Variants in MRM3 observed in about 807,000 individuals in gnomAD.
MRM3 encodes the protein mitochondrial rRNA methyltransferase 3.
MRM3 carries 26 observed loss-of-function variants against 29.4 expected under a neutral mutation model. The ratio of observed to expected loss-of-function variants is 0.89; its 90% confidence interval spans 0.65 to 1.23. MRM3 has a LOEUF of 1.23. Ranked by LOEUF, MRM3 falls within the 50% of genes most tolerant of loss-of-function variation. MRM3 has a pLI of 0.00. For missense variants in MRM3, 578 were observed against 540.2 expected (o/e 1.07, Z -0.69); for synonymous variants, 225 against 219.0 (o/e 1.03, Z -0.24).
At position 783,293 on chromosome 17, in the gene MRM3, T is replaced by C. The variant is rs1290742059; in HGVS notation, c.525T>C (p.Asp175=). 6.2e-7 allele frequency: 1 copy of C among 1,613,980 alleles called. No individual in the cohort carries two copies. Among genetic ancestry groups the C allele is most frequent in the East Asian group, 2.2e-5 (1 of 44,884 alleles). The change falls in exon 2 of 4, where the codon GAT becomes GAC. Residue 175 remains aspartate (D), a synonymous_variant. Transcript: ENST00000304478. The part of the protein sequence containing the change: ...LIKVKFEDIK[D]WSDLVTPQGI... ...AGGTGAAATTTGAGGATATCAAGGA[T>C]TGGTCCGACCTCGTAACGCCACAAG...
intron 1 of MRM3, 74 bp downstream of exon 1, chr17:782,766 C>G (rs191360526): frequency 2.1e-6 from 3 of 1,433,840 alleles, no homozygotes; most frequent in Non-Finnish European, 1.9e-6. Context: ...AACCTCCTTC[C>G]GATGGAGGAC....
In MRM3 at chr17:791,882, C is replaced by A. The variant is rs1180000831; in HGVS notation, c.1076C>A (p.Thr359Asn). 6.2e-7 allele frequency: 1 copy of A among 1,613,764 alleles called. No homozygotes were observed. The highest frequency in any genetic ancestry group is 1.7e-5 in the Admixed American group (1 of 60,008). ...APAAVVIGGETYGVSLESLQL... is the reference protein window; with the variant it reads ...APAAVVIGGENYGVSLESLQL... ...GCAGCTGTGGTGATTGGCGGGGAGACCTACGGCGTGAGCCTGGAGTCCCTG... is the reference window on the plus strand; with the variant it reads ...GCAGCTGTGGTGATTGGCGGGGAGAACTACGGCGTGAGCCTGGAGTCCCTG... Residue 359 changes from threonine (T) to asparagine (N), a missense_variant, in exon 4 of 4, where the codon ACC (threonine) becomes AAC (asparagine). By Grantham distance (65) the Thr-to-Asn change is moderately conservative. Coordinates refer to ENST00000304478, the MANE Select transcript of MRM3 (RefSeq NM_018146.4).
rs1313509753 is a variant in MRM3 at position 783,083 on chromosome 17, C to T, written c.315C>T (p.Ser105=). 1.2e-6 allele frequency: 2 copies of T among 1,605,800 alleles called. No individual in the cohort carries two copies. Among genetic ancestry groups the T allele is most frequent in the Admixed American group, 1.7e-5 (1 of 58,722 alleles). Residue 105 remains serine, a splice_region_variant and synonymous_variant, in exon 2 of 4, where the codon AGC becomes AGT. Transcript: ENST00000304478. The stretch of plus-strand genomic sequence containing the variant: ...TTTTTTTTTTTATTTCCATCTACAG[C>T]AGTGTAATGACAATAGTAAAGTCCA... ...DKAYPGDRRL[S]SVMTIVKSRP...
Position 791,519 on chromosome 17 carries a change from CTTTTT to C in MRM3, c.728-14_728-10del. 6.2e-7 allele frequency: 1 copy of C among 1,601,310 alleles called. No homozygotes were observed. Among genetic ancestry groups the C allele is most frequent in the Non-Finnish European group, 8.5e-7 (1 of 1,173,792 alleles). ...AGATTTGTAACATCTTGATTGTTTC[CTTTTT>C]ATTTTCCAGGCTGTGTGGATGCCTG... On this transcript the variant is annotated splice_polypyrimidine_tract_variant and intron_variant, in intron 3 of 3. Coordinates refer to ENST00000304478, the MANE Select transcript of MRM3 (RefSeq NM_018146.4).
chr17:787,834 C>A lies in MRM3; in HGVS notation c.560-131C>A. The A allele has an allele frequency of 1.0e-6, 1 of 953,330 alleles. No homozygotes were observed. The highest frequency in any genetic ancestry group is 1.6e-6 in the Non-Finnish European group (1 of 613,756). The allele number at this position is 953,330 out of a possible 1,614,324, so 59.1% of individuals were successfully genotyped here. ...GAAGTGTTGGGATTACAGGCATGAG[C>A]CAGTACACCTGGCCTGTATTCCTGT... On this transcript the variant is annotated intron_variant, in intron 2 of 3. Transcript: ENST00000304478. This position sits in a 1 kb window ranked among gnomAD's most constrained non-coding sequence, Gnocchi z 4.1.
chr17:785,701 G>A (rs1053147464), intron 2 of MRM3, among the ~76,000 whole-genome samples: 5 of 151,830 alleles, frequency 3.3e-5, no homozygotes, highest in African/African-American at 9.7e-5. Flanking sequence ...CTGAGCCAGC[G>A]TATTTGAAAA....
chr17:783,282 G>C lies in MRM3; in HGVS notation c.514G>C (p.Asp172His). ...CAGCCTCATTAAGGTGAAATTTGAG[G>C]ATATCAAGGATTGGTCCGACCTCGT... ...GVSLIKVKFEDIKDWSDLVTP... is the reference protein window; with the variant it reads ...GVSLIKVKFEHIKDWSDLVTP... The change falls in exon 2 of 4, where the codon GAT (aspartate) becomes CAT (histidine). Residue 172 changes from aspartate (D) to histidine (H), a missense_variant. Transcript: ENST00000304478. 6.2e-7 allele frequency: 1 copy of C among 1,613,756 alleles called. No individual in the cohort carries two copies. The highest frequency in any genetic ancestry group is 1.1e-5 in the South Asian group (1 of 91,072).
chr17:788,062 C>CCCTGGGAA lies in MRM3; in HGVS notation c.664_671dup (p.Ile226TrpfsTer5). 1 of 1,614,170 alleles carries CCCTGGGAA rather than the reference C, an allele frequency of 6.2e-7. No individual in the cohort carries two copies. The highest frequency in any genetic ancestry group is 8.5e-7 in the Non-Finnish European group (1 of 1,180,016). On this transcript the variant is annotated frameshift_variant, in exon 3 of 4. Coordinates refer to ENST00000304478, the MANE Select transcript of MRM3 (RefSeq NM_018146.4). LOFTEE classifies it high-confidence loss of function. ...TATTGATTTGTGACAATCTCCGTGA[C>CCCTGGGAA]CCTGGGAACCTGGGGACAATTCTGA...
rs1910168604 is a variant in MRM3 at position 782,526 on chromosome 17, C to T, written c.148C>T (p.Gln50Ter). 5 of 1,613,538 alleles carry T rather than the reference C, an allele frequency of 3.1e-6. No homozygotes were observed. Among genetic ancestry groups the T allele is most frequent in the Admixed American group, 3.3e-5 (2 of 60,010 alleles). ...GTTTCCTTCCGGAGAGGTGGTGGAA[C>T]AGAAGCGCGCTCCTGGGAAGCAGCC... ...VVFPSGEVVEQKRAPGKQPRK... is the reference protein window; with the variant it reads ...VVFPSGEVVE The change falls in exon 1 of 4, where the codon CAG becomes TAG. Residue 50 changes from glutamine (Q) to a stop codon, truncating the protein, a stop_gained. Coordinates refer to ENST00000304478, the MANE Select transcript of MRM3 (RefSeq NM_018146.4). LOFTEE classifies it high-confidence loss of function.
chr17:789,062 G>A (rs1159468588), intron 3 of MRM3, among the ~76,000 whole-genome samples: 1 of 152,078 alleles, frequency 6.6e-6, no homozygotes, highest in Non-Finnish European at 1.5e-5. Flanking sequence ...TAAGCTCAAG[G>A]GATCCTCCTG....
chr17:791,492 G>A, intron 3 of MRM3, 42 bp from the exon 4 acceptor site: 1 of 1,584,248 alleles, frequency 6.3e-7, no homozygotes, highest in Non-Finnish European at 8.6e-7. Context: ...CCTGGTCTGG[G>A]AAGATTTGTA....
Position 788,612 on chromosome 17 carries a change from C to G in MRM3, c.727+480C>G, listed in dbSNP as rs540681969. Among the ~76,000 whole-genome samples the G allele has an allele frequency of 5.5e-4, 83 of 152,238 alleles. 1 individual carries two copies. The South Asian group carries it at 0.011, about 20-fold the overall frequency. ...GAATTATAGGCATGAACAACTATGC[C>G]CAGCCAAGTCAATCACTGTTAGGTG... On this transcript the variant is annotated intron_variant, in intron 3 of 3. Coordinates refer to ENST00000304478, the MANE Select transcript of MRM3 (RefSeq NM_018146.4).
At position 783,140 on chromosome 17, in the gene MRM3, G is replaced by A. The variant is rs1297311008; in HGVS notation, c.372G>A (p.Leu124=). The change falls in exon 2 of 4, where the codon CTG becomes CTA. Residue 124 remains leucine, a synonymous_variant. Transcript: ENST00000304478. ...TTCGGGAAAAACAAGGGAAGATCCT[G>A]CTGGAAGGTCGCAGGCTCATTTCAG... ...RPFREKQGKI[L]LEGRRLISDA... is the part of the protein sequence containing the mutation. 1 of 1,614,062 alleles carries A rather than the reference G, an allele frequency of 6.2e-7. No homozygotes were observed. The highest frequency in any genetic ancestry group is 1.3e-5 in the African/African-American group (1 of 74,988).
intron 2 of MRM3, among the ~76,000 whole-genome samples, chr17:785,638 CA>C (rs1910496117): frequency 1.3e-5 from 2 of 152,240 alleles, no homozygotes; most frequent in Admixed American, 1.3e-4. Flanking sequence ...CTCAAGCGTT[CA>C]CTGCACCTAC....
rs1224740890 is a variant in MRM3, at chr17:783,239, C to T, written c.471C>T (p.Val157=). ...TAGAATACCTAAAGGAGTTGCCAGT[C>T]GATAAGCTGAAAGGTGTCAGCCTCA... ...SRLEYLKELP[V]DKLKGVSLIK... The change falls in exon 2 of 4, where the codon GTC becomes GTT. Residue 157 remains valine (V), a synonymous_variant. Transcript: ENST00000304478. 1 of 1,613,828 alleles carries T rather than the reference C, an allele frequency of 6.2e-7. No individual in the cohort carries two copies. Among genetic ancestry groups the T allele is most frequent in the South Asian group, 1.1e-5 (1 of 91,050 alleles).
In MRM3 at chr17:787,679, G is replaced by C. The variant is rs550602926; in HGVS notation, c.560-286G>C. 8.5e-5 allele frequency among the ~76,000 whole-genome samples: 13 copies of C among 152,286 alleles called. No homozygotes were observed. Among genetic ancestry groups the C allele is most frequent in the Non-Finnish European group, 1.9e-4 (13 of 68,026 alleles). ...TTCTCCTGCCTCAGCCTCCCAGGTA[G>C]CTGGGACTAGAGGCATGCGCCACCA... On this transcript the variant is annotated intron_variant, in intron 2 of 3. Coordinates refer to ENST00000304478, the MANE Select transcript of MRM3 (RefSeq NM_018146.4). This position sits in a 1 kb window ranked among gnomAD's most constrained non-coding sequence, Gnocchi z 4.1.
In MRM3 at chr17:783,305, C is replaced by A. The variant is rs1465643876; in HGVS notation, c.537C>A (p.Leu179=). 1.2e-6 allele frequency: 2 copies of A among 1,612,380 alleles called. No homozygotes were observed. Among genetic ancestry groups the A allele is most frequent in the South Asian group, 2.2e-5 (2 of 91,000 alleles). The change falls in exon 2 of 4, where the codon CTC becomes CTA. Residue 179 remains leucine (L), a synonymous_variant. Coordinates refer to ENST00000304478, the MANE Select transcript of MRM3 (RefSeq NM_018146.4). ...KFEDIKDWSD[L]VTPQGIMGIF... is the part of the protein sequence containing the mutation. Reference sequence around the variant, plus strand: ...AGGATATCAAGGATTGGTCCGACCTCGTAACGCCACAAGGAATAATGGGTT... The same window carrying A: ...AGGATATCAAGGATTGGTCCGACCTAGTAACGCCACAAGGAATAATGGGTT...
rs1910783219 is a variant in MRM3 at position 790,915 on chromosome 17, CA to C, written c.728-618del. On this transcript the variant is annotated intron_variant, in intron 3 of 3. Coordinates refer to ENST00000304478, the MANE Select transcript of MRM3 (RefSeq NM_018146.4). ...GGCCAGCTCACCTCCTGTGCCACCA[CA>C]CCCCCCCCCCACCCGCTGATTGGCC... 5.3e-4 allele frequency among the ~76,000 whole-genome samples: 2 copies of C among 3,758 alleles called. 1 individual carries two copies. The highest frequency in any genetic ancestry group is 9.3e-3 in the African/African-American group (2 of 214). The allele number at this position is 3,758 out of a possible 152,430, so 2.5% of individuals were successfully genotyped here.
At chr17:788,669 G>A (rs532313475) in intron 3 of MRM3, among the ~76,000 whole-genome samples, 20 of 151,966 alleles carry the variant, frequency 1.3e-4, no homozygotes, top group African/African-American at 4.8e-4. Context: ...GACATGCATT[G>A]GATCTTGGGT....
Sources: gnomAD v4.1 joint callset for allele counts (sites outside exome capture counted in the v4.1 genomes callset) on GRCh38, gnomAD v4.1.1 for gene constraint, Gnocchi (gnomAD v3.1) non-coding constraint, MANE v1.5 for transcripts, NCBI Gene and HGNC (gene_info 2026-07-23, HGNC 2026-07-21) for gene names.